Variants in TNC observed in about 807,000 individuals in gnomAD.
TNC encodes tenascin.
TNC carries 109 observed loss-of-function variants against 202.4 expected under a neutral mutation model. The ratio of observed to expected loss-of-function variants is 0.54; its 90% CI spans 0.46 to 0.63. TNC has a LOEUF of 0.63. Ranked by LOEUF, TNC falls within the 30% of genes least tolerant of loss-of-function variation. TNC has a pLI of 0.00. For missense variants in TNC, 2,756 were observed against 2,833.3 expected, an observed-to-expected ratio of 0.97 and a Z score of 0.62; for synonymous variants, 1,007 against 1,089.7, an observed-to-expected ratio of 0.92 and a Z score of 1.50.
chr9:115,042,320 A>C lies in TNC; in HGVS notation c.5147T>G (p.Val1716Gly). The stretch of plus-strand genomic sequence containing the variant: ...ATTTTCAGTGATGTCTGAGAAAATG[A>C]CTTCCTTTGGGGAGCCCATGGCTGT... ...ATTAMGSPKE[V>G]IFSDITENSA... The change falls in exon 18 of 28, where the codon GTC becomes GGC. Residue 1716 changes from valine (V) to glycine (G), a missense_variant. Around this residue, in one of 2 missense-constraint regions of TNC, gnomAD observed 2,559 missense variants for 2,546.0 expected, o/e 1.01. Transcript: ENST00000350763. 6.2e-7 allele frequency: 1 copy of C among 1,614,098 alleles called. No individual in the cohort carries two copies. Among genetic ancestry groups the C allele is most frequent in the Non-Finnish European group, 8.5e-7 (1 of 1,179,980 alleles).
At chr9:115,024,210 C>T in intron 26 of TNC, 74 bp from the exon 27 acceptor site, 1 of 1,503,236 alleles carries the variant, frequency 6.7e-7, no homozygotes, top group Non-Finnish European at 9.1e-7. Context: ...AGGGCAGAAC[C>T]AGAGGTGACA....
At chr9:115,095,447 T>C (rs1835571292) in intron 1 of TNC, among the ~76,000 whole-genome samples, 1 of 99,622 alleles carries the variant, frequency 1.0e-5, no homozygotes, top group Non-Finnish European at 2.0e-5. Context: ...GTGGTATGTG[T>C]ATATATATAT....
Position 115,057,442 on chromosome 9 carries a change from T to C in TNC, c.4307-17A>G. 6.4e-7 allele frequency: 1 copy of C among 1,568,696 alleles called. No individual in the cohort carries two copies. ...GTTCTTTGGCTGTAAAAGGAAGGGG[T>C]AGGGGAGAAGAAAAAAATAAATTTG... On this transcript the variant is annotated splice_polypyrimidine_tract_variant and intron_variant, in intron 14 of 27. Coordinates refer to ENST00000350763, the MANE Select transcript of TNC (RefSeq NM_002160.4).
intron 1 of TNC, among the ~76,000 whole-genome samples, chr9:115,092,356 A>T (rs559660443): frequency 1.3e-5 from 2 of 152,190 alleles, no homozygotes; most frequent in African/African-American, 4.8e-5. Flanking sequence ...AGAGCTATTC[A>T]CCTGTATGAG....
intron 1 of TNC, among the ~76,000 whole-genome samples, chr9:115,096,623 G>A (rs184087110): frequency 2.8e-4 from 36 of 127,062 alleles, no homozygotes; most frequent in Admixed American, 2.0e-3. Context: ...ACAAGAGCCC[G>A]GGGATTAGGG....
chr9:115,075,903 G>A (rs1223045688), intron 9 of TNC, 129 bp downstream of exon 9: 2 of 742,390 alleles, frequency 2.7e-6, no homozygotes, highest in Non-Finnish European at 4.7e-6. Flanking sequence ...ATTGGGGCTA[G>A]ATGGTACTAC....
intron 27 of TNC, 68 bp downstream of exon 27, chr9:115,023,905 T>C (rs1003462224): frequency 3.3e-5 from 51 of 1,538,510 alleles, no homozygotes; most frequent in Non-Finnish European, 4.5e-5. Flanking sequence ...GGGAGTTAAA[T>C]TGTACTTCCA....
intron 15 of TNC, among the ~76,000 whole-genome samples, chr9:115,054,527 A>G (rs1244168288): frequency 6.6e-6 from 1 of 152,204 alleles, no homozygotes; most frequent in African/African-American, 2.4e-5. Context: ...CAGACAGACT[A>G]TCAATGCCAA....
chr9:115,025,730 T>A (rs930564994), intron 26 of TNC, among the ~76,000 whole-genome samples: 1 of 152,240 alleles, frequency 6.6e-6, no homozygotes, highest in Non-Finnish European at 1.5e-5. Context: ...ATAAATAAGA[T>A]GAATGCAGGT....
intron 2 of TNC, 33 bp from the exon 3 acceptor site, chr9:115,087,306 G>A (rs761681554): frequency 1.3e-6 from 2 of 1,598,088 alleles, no homozygotes; most frequent in Admixed American, 3.4e-5. Context: ...TCTCAGCCAG[G>A]CTTAAGCAGC....
Position 115,063,147 on chromosome 9 carries a change from C to G in TNC, c.3803G>C (p.Ser1268Thr). The G allele has an allele frequency of 6.2e-7, 1 of 1,614,210 alleles. No homozygotes were observed. The change falls in exon 13 of 28, where the codon AGC (serine) becomes ACC (threonine). Residue 1268 changes from serine (S) to threonine (T), a missense_variant. Ser to Thr is a moderately conservative substitution (Grantham distance 58, BLOSUM62 1). This residue lies in a region of TNC where 2,559 missense variants were observed against 2,546.0 expected (regional missense o/e 1.01). Coordinates refer to ENST00000350763, the MANE Select transcript of TNC (RefSeq NM_002160.4). ...CCAGTTCAGTCTGAGAGCATCCCAG[C>G]TAACCTCGGTCACTGTGAGGTTTCC... Reference protein sequence around the residue: ...DMGNLTVTEVSWDALRLNWTT... With the variant: ...DMGNLTVTEVTWDALRLNWTT...
Position 115,076,376 on chromosome 9 carries a change from G to A in TNC, c.2860+14C>T. On this transcript the variant is annotated intron_variant, in intron 8 of 27. Coordinates refer to ENST00000350763, the MANE Select transcript of TNC (RefSeq NM_002160.4). The stretch of plus-strand genomic sequence containing the variant: ...GGGCTGGCTGGCTCAGGCTTGCAGA[G>A]ATGCAGAGCTCACCTGTGAGTGTGG... The A allele has an allele frequency of 6.2e-7, 1 of 1,613,578 alleles. No individual in the cohort carries two copies.
chr9:115,031,642 TC>T lies in TNC; in HGVS notation c.5830del (p.Asp1944ThrfsTer2). On this transcript the variant is annotated frameshift_variant, in exon 23 of 28. Coordinates refer to ENST00000350763, the MANE Select transcript of TNC (RefSeq NM_002160.4). LOFTEE classifies it high-confidence loss of function. ...GPDTTSYSLA[D>X]LSPSTHYTAK... The stretch of plus-strand genomic sequence containing the variant: ...TGTGTAGTGGGTGGATGGGCTCAGG[TC>T]TGCCAGGCTGTAGGAGGTGGTATCT... 6.2e-7 allele frequency: 1 copy of T among 1,612,448 alleles called. No individual in the cohort carries two copies.
At chr9:115,082,955 A>T (rs1345114612) in intron 4 of TNC, 148 bp from the exon 5 acceptor site, 1 of 610,474 alleles carries the variant, frequency 1.6e-6, no homozygotes, top group Non-Finnish European at 2.9e-6. Context: ...TTCTTCTGGG[A>T]TGAGGTCTCT....
chr9:115,082,462 G>T (rs1383639964), intron 5 of TNC, among the ~76,000 whole-genome samples: 1 of 152,196 alleles, frequency 6.6e-6, no homozygotes, highest in Admixed American at 6.5e-5. Context: ...ACCTTGAGGT[G>T]ACAACTTCTA....
intron 9 of TNC, among the ~76,000 whole-genome samples, chr9:115,075,527 C>T (rs922489238): frequency 3.3e-5 from 5 of 152,156 alleles, no homozygotes; most frequent in Admixed American, 3.3e-4. Flanking sequence ...TGACTCACAC[C>T]TGTAATCCCA....
At position 115,035,482 on chromosome 9, in the gene TNC, G is replaced by A. The variant is rs1339171610; in HGVS notation, c.5657-148C>T. 6.3e-6 allele frequency: 5 copies of A among 796,652 alleles called. No homozygotes were observed. The African/African-American group carries it at 7.0e-5, about 11-fold the overall frequency. The allele number at this position is 796,652 out of a possible 1,614,324, so 49.3% of individuals were successfully genotyped here. ...CAAGAACTTCCTCTGTATAAATAAGGTGGTTGAGCCAGATGATCTCCAAAG... is the reference window on the plus strand; with the variant it reads ...CAAGAACTTCCTCTGTATAAATAAGATGGTTGAGCCAGATGATCTCCAAAG... On this transcript the variant is annotated intron_variant, in intron 21 of 27. Transcript: ENST00000350763.
At chr9:115,050,188 AG>A (rs1831540080) in intron 15 of TNC, among the ~76,000 whole-genome samples, 1 of 152,174 alleles carries the variant, frequency 6.6e-6, no homozygotes, top group Non-Finnish European at 1.5e-5. Flanking sequence ...AATGAAAGTG[AG>A]GGCATTCAGG....
At chr9:115,074,477 G>A (rs139712063) in intron 9 of TNC, among the ~76,000 whole-genome samples, 154 of 152,288 alleles carry the variant, frequency 1.0e-3, no homozygotes, top group Non-Finnish European at 1.7e-3. Context: ...CTTGGACTTC[G>A]CAGCCTTCAG....
Sources: gnomAD v4.1 joint callset for allele counts (sites outside exome capture counted in the v4.1 genomes callset) on GRCh38, gnomAD v4.1.1 for gene constraint, gnomAD v4.1.1 regional missense constraint, MANE v1.5 for transcripts, NCBI Gene and HGNC (gene_info 2026-07-23, HGNC 2026-07-21) for gene names.